Variants in CADM3 observed in about 807,000 individuals in gnomAD.
CADM3 encodes the protein TSLC1-like 1.
A neutral mutation model predicts 44.9 loss-of-function variants in CADM3; 11 were observed. That is an observed-to-expected ratio of 0.25 (90% CI 0.15 to 0.41). CADM3 has a LOEUF of 0.41. CADM3 is among the 10% of genes least tolerant of loss of function. CADM3 has a pLI of 1.00. For missense variants in CADM3, 426 were observed against 512.0 expected, an observed-to-expected ratio of 0.83 and a Z score of 1.62; for synonymous variants, 207 against 205.2, an observed-to-expected ratio of 1.01 and a Z score of -0.08.
rs187455975 is a variant in CADM3, at chr1:159,177,132, G to T, written c.88+5279G>T. Among the ~76,000 whole-genome samples, 28 of 152,108 alleles carry T rather than the reference G, an allele frequency of 1.8e-4. No individual in the cohort carries two copies. In the East Asian group the frequency reaches 5.4e-3, roughly 29 times the overall value. ...AGAAGATAGGCCTAATTTTACTCAC[G>T]GTAAGTTGTAGCACATTAAAAGCCC... On this transcript the variant is annotated intron_variant, in intron 1 of 8. Transcript: ENST00000368125.
At chr1:159,181,080 C>T (rs144478090) in intron 1 of CADM3, among the ~76,000 whole-genome samples, 1 of 152,222 alleles carries the variant, frequency 6.6e-6, no homozygotes, top group African/African-American at 2.4e-5. Flanking sequence ...GGATTTCTGG[C>T]CCATTCCCAG....
At chr1:159,197,119 T>C (rs1649937801) in intron 7 of CADM3, 59 bp downstream of exon 7, 10 of 1,533,164 alleles carry the variant, frequency 6.5e-6, no homozygotes, top group African/African-American at 4.1e-5. Context: ...TCTTATTCCC[T>C]TTTTTAAAAT....
chr1:159,185,402 C>T (rs150457218), intron 1 of CADM3, among the ~76,000 whole-genome samples: 77 of 152,352 alleles, frequency 5.1e-4, no homozygotes, highest in Middle Eastern at 3.4e-3. Context: ...CCTACCACCA[C>T]ACACACAAAA....
chr1:159,194,461 C>A (rs1016905074), intron 5 of CADM3: 1 of 158,038 alleles, frequency 6.3e-6, no homozygotes. Flanking sequence ...ACTCAGGATT[C>A]CCAGGAAGTA....
intron 1 of CADM3, among the ~76,000 whole-genome samples, chr1:159,183,530 G>C (rs1020596912): frequency 6.6e-6 from 1 of 152,200 alleles, no homozygotes; most frequent in Non-Finnish European, 1.5e-5. Flanking sequence ...AGATCAGGGA[G>C]GTAGGCAGCT....
chr1:159,187,543 C>T (rs541466840), intron 1 of CADM3, among the ~76,000 whole-genome samples: 77 of 152,254 alleles, frequency 5.1e-4, no homozygotes, highest in African/African-American at 1.8e-3. Flanking sequence ...TAAATGAATT[C>T]GTGGTTGAAA....
intron 1 of CADM3, among the ~76,000 whole-genome samples, chr1:159,186,659 C>A (rs938657269): frequency 2.6e-5 from 4 of 152,228 alleles, no homozygotes; most frequent in Non-Finnish European, 5.9e-5. Context: ...CACTCATCCA[C>A]TCCCTGGGGA....
intron 1 of CADM3, among the ~76,000 whole-genome samples, chr1:159,186,492 C>T (rs925762564): frequency 6.6e-6 from 1 of 152,188 alleles, no homozygotes; most frequent in Non-Finnish European, 1.5e-5. Context: ...ATTCAGAGTA[C>T]TCCTAAGTTT....
Position 159,171,677 on chromosome 1 carries a change from T to A in CADM3, c.-89T>A. ...AAGCGGCTCGGGGGCGCCCTTTCGGTCAACATCGTAGTCCACCCCCTCCCC... is the reference window on the plus strand; with the variant it reads ...AAGCGGCTCGGGGGCGCCCTTTCGGACAACATCGTAGTCCACCCCCTCCCC... On this transcript the variant is annotated 5_prime_UTR_variant, in exon 1 of 9. Coordinates refer to ENST00000368125, the MANE Select transcript of CADM3 (RefSeq NM_001127173.3). 6 of 1,030,408 alleles carry A rather than the reference T, an allele frequency of 5.8e-6. No homozygotes were observed. The highest frequency in any genetic ancestry group is 7.5e-6 in the Non-Finnish European group (6 of 804,718). The allele number at this position is 1,030,408 out of a possible 1,614,324, so 63.8% of individuals were successfully genotyped here. A position where few individuals can be genotyped will look rare whatever the true frequency, so the allele number is the denominator to read the frequency against.
intron 1 of CADM3, among the ~76,000 whole-genome samples, chr1:159,186,393 C>G (rs914645424): frequency 6.6e-6 from 1 of 152,152 alleles, no homozygotes; most frequent in African/African-American, 2.4e-5. Flanking sequence ...ACCTGAGCAA[C>G]CTGGGCCTTC....
rs1162589581 is a variant in CADM3, at chr1:159,196,642, C to G, written c.782+188C>G. The G allele has an allele frequency of 9.4e-6, 6 of 635,928 alleles. No individual in the cohort carries two copies. The East Asian group carries it at 1.4e-4, about 15-fold the overall frequency. 39.4% of individuals were successfully genotyped at this position (635,928 alleles called of 1,614,324 possible). A position where few individuals can be genotyped will look rare whatever the true frequency, so the allele number is the denominator to read the frequency against. On this transcript the variant is annotated intron_variant, in intron 6 of 8. Transcript: ENST00000368125. ...AGCACAAATGGGAAGGGGCCACTCC[C>G]TAACTCAGTCCCTGAGTTTCCCACA...
At chr1:159,186,094 A>T (rs905127036) in intron 1 of CADM3, among the ~76,000 whole-genome samples, 3 of 152,330 alleles carry the variant, frequency 2.0e-5, no homozygotes, top group African/African-American at 7.2e-5. Flanking sequence ...ACATGTGAAG[A>T]TGGGTGAAGG....
In CADM3 at chr1:159,171,785, CGCTCCTGCTCCT is replaced by C. The variant is rs578171563; in HGVS notation, c.30_41del (p.Leu11_Leu14del). 9.7e-6 allele frequency: 12 copies of C among 1,241,620 alleles called. No homozygotes were observed. In the African/African-American group the frequency reaches 1.7e-4, roughly 18 times the overall value. The allele number at this position is 1,241,620 out of a possible 1,614,324, so 76.9% of individuals were successfully genotyped here. A position where few individuals can be genotyped will look rare whatever the true frequency, so the allele number is the denominator to read the frequency against. ...AGCGCGATGGGGGCCCCAGCCGCCTCGCTCCTGCTCCTGCTCCTGCTGTTCGCCTGCTGCTGG... is the reference window on the plus strand; with the variant it reads ...AGCGCGATGGGGGCCCCAGCCGCCTCGCTCCTGCTGTTCGCCTGCTGCTGG... On this transcript the variant is annotated inframe_deletion, in exon 1 of 9. Coordinates refer to ENST00000368125, the MANE Select transcript of CADM3 (RefSeq NM_001127173.3).
chr1:159,176,993 C>T (rs762563549), intron 1 of CADM3, among the ~76,000 whole-genome samples: 20 of 152,096 alleles, frequency 1.3e-4, no homozygotes, highest in Non-Finnish European at 2.4e-4. Flanking sequence ...ATTTTGGATA[C>T]ATTGGGACAT....
chr1:159,194,813 G>C (rs1649822936), intron 5 of CADM3: 1 of 152,126 alleles, frequency 6.6e-6, no homozygotes, highest in Non-Finnish European at 1.5e-5. Context: ...TTTGCCTTTA[G>C]TATGGTTAGG....
At chr1:159,178,337 C>G (rs987593050) in intron 1 of CADM3, 5 of 152,194 alleles carry the variant, frequency 3.3e-5, no homozygotes, top group African/African-American at 7.2e-5. Context: ...AGCATGACAA[C>G]CAACTCTAAC....
At position 159,200,912 on chromosome 1, in the gene CADM3, A is replaced by G; in HGVS notation, c.1187A>G (p.Tyr396Cys). 6.2e-7 allele frequency: 1 copy of G among 1,603,782 alleles called. No homozygotes were observed. Among genetic ancestry groups the G allele is most frequent in the Non-Finnish European group, 8.5e-7 (1 of 1,175,098 alleles). ...TCAGGAGGGGACGACAAGAAGGAAT[A>G]TTTCATCTAGAGGCGCCTGCCCACT... ...GQSGGDDKKE[Y>C]FI The change falls in exon 9 of 9, where the codon TAT (tyrosine) becomes TGT (cysteine). Residue 396 changes from tyrosine to cysteine, a missense_variant. Physicochemically the swap from Tyr to Cys is radical, Grantham distance 194 (BLOSUM62 -2). Transcript: ENST00000368125.
intron 6 of CADM3, 44 bp from the exon 7 acceptor site, chr1:159,196,847 G>A: frequency 6.4e-7 from 1 of 1,574,260 alleles, no homozygotes; most frequent in Non-Finnish European, 8.7e-7. Context: ...TTAGCTCCCT[G>A]GCCTATGCTC....
In CADM3 at chr1:159,193,884, A is replaced by G. The variant is rs1161064949; in HGVS notation, c.535A>G (p.Ile179Val). 11 of 1,613,968 alleles carry G rather than the reference A, an allele frequency of 6.8e-6. No individual in the cohort carries two copies. The highest frequency in any genetic ancestry group is 9.3e-6 in the Non-Finnish European group (11 of 1,179,902). The change falls in exon 5 of 9, where the codon ATA becomes GTA. Residue 179 changes from isoleucine to valine, a missense_variant. Transcript: ENST00000368125. ...DQELHGEPTR[I>V]QEDPNGKTFT... ...CTGCACTCTAGGAGAACCAACCCGC[A>G]TACAGGAAGATCCCAATGGTAAAAC...
Sources: gnomAD v4.1 joint callset for allele counts (sites outside exome capture counted in the v4.1 genomes callset) on GRCh38, gnomAD v4.1.1 for gene constraint, MANE v1.5 for transcripts, NCBI Gene and HGNC (gene_info 2026-07-23, HGNC 2026-07-21) for gene names.